ADGRB3: variants seen among roughly 807,000 people sequenced by gnomAD.
ADGRB3 encodes brain-specific angiogenesis inhibitor 3.
Under a neutral mutation model 193.4 loss-of-function variants are expected in ADGRB3, and 37 were observed. The observed-to-expected ratio is 0.19, with a 90% CI of 0.15 to 0.25. The LOEUF (loss-of-function observed/expected upper bound fraction) is 0.25. Ranked by LOEUF, ADGRB3 falls within the 10% of genes least tolerant of loss-of-function variation. The pLI is 1.00. For synonymous variants in ADGRB3, 690 were observed against 644.2 expected, an observed-to-expected ratio of 1.07 and a Z score of -1.08; for missense variants, 1,637 against 1,852.9, an observed-to-expected ratio of 0.88 and a Z score of 2.14.
At chr6:68,748,079 C>T (rs1284105475) in intron 3 of ADGRB3, among the ~76,000 whole-genome samples, 1 of 152,136 alleles carries the variant, frequency 6.6e-6, no homozygotes, top group Admixed American at 6.5e-5. Flanking sequence ...TCAGTTGCCT[C>T]CCATTGGGTC....
At chr6:69,115,681 T>C (rs904790934) in intron 17 of ADGRB3, among the ~76,000 whole-genome samples, 4 of 152,198 alleles carry the variant, frequency 2.6e-5, no homozygotes, top group Admixed American at 6.5e-5. Context: ...ATACAGCCTT[T>C]GTGGCAGCCA....
At chr6:69,068,335 G>A (rs187444346) in intron 16 of ADGRB3, among the ~76,000 whole-genome samples, 15 of 152,124 alleles carry the variant, frequency 9.9e-5, no homozygotes, top group African/African-American at 2.9e-4. Context: ...GCTTTTGGAC[G>A]TAAAAGAAAA....
At chr6:68,791,336 G>T (rs947638115) in intron 3 of ADGRB3, among the ~76,000 whole-genome samples, 3 of 152,160 alleles carry the variant, frequency 2.0e-5, no homozygotes, top group African/African-American at 7.2e-5. Flanking sequence ...TTTAAAACAA[G>T]TATAAAAGTG....
intron 20 of ADGRB3, among the ~76,000 whole-genome samples, chr6:69,246,006 A>G (rs542290068): frequency 1.3e-5 from 2 of 152,234 alleles, no homozygotes; most frequent in South Asian, 2.1e-4. Flanking sequence ...CCCACCCTAG[A>G]CAGGATCTCA....
At chr6:68,644,237 T>A (rs2127277197) in intron 3 of ADGRB3, among the ~76,000 whole-genome samples, 1 of 152,304 alleles carries the variant, frequency 6.6e-6, no homozygotes, top group East Asian at 1.9e-4. Flanking sequence ...ATTATTTTTA[T>A]AATTTCCAAT....
rs985478986 is a variant in ADGRB3, at chr6:69,332,401, A to G, written c.3103-522A>G. 35 of 985,298 alleles carry G rather than the reference A, an allele frequency of 3.6e-5. 1 individual carries two copies. The highest frequency in any genetic ancestry group is 5.2e-4 in the Middle Eastern group (1 of 1,936). 61.0% of individuals were successfully genotyped at this position (985,298 alleles called of 1,614,324 possible). ...TCCTTTCTGCTTAGAAAAGCATGGT[A>G]CATCAAAATGCTCCCCTTCCACAGA... is the stretch of plus-strand genomic sequence containing the variant. On this transcript the variant is annotated intron_variant, in intron 23 of 31. Transcript: ENST00000370598.
intron 27 of ADGRB3, among the ~76,000 whole-genome samples, chr6:69,355,022 G>A (rs960116430): frequency 2.6e-5 from 4 of 151,824 alleles, no homozygotes; most frequent in African/African-American, 9.7e-5. Flanking sequence ...TTTGAACTAG[G>A]CAACAATAAT....
chr6:69,008,392 C>G (rs1769836009), intron 11 of ADGRB3, among the ~76,000 whole-genome samples: 1 of 152,046 alleles, frequency 6.6e-6, no homozygotes, highest in African/African-American at 2.4e-5. Context: ...TATACCTTTC[C>G]TCGTTTTTTC....
At chr6:68,663,862 T>C (rs1273957461) in intron 3 of ADGRB3, among the ~76,000 whole-genome samples, 1 of 151,826 alleles carries the variant, frequency 6.6e-6, no homozygotes, top group Non-Finnish European at 1.5e-5. Context: ...TATTTTAGCG[T>C]GCTACACATT....
chr6:69,267,751 C>CA (rs1767079597), intron 20 of ADGRB3, among the ~76,000 whole-genome samples: 1 of 152,088 alleles, frequency 6.6e-6, no homozygotes, highest in African/African-American at 2.4e-5. Flanking sequence ...CTACTAATTA[C>CA]AAAATTTTAA....
intron 17 of ADGRB3, among the ~76,000 whole-genome samples, chr6:69,096,639 T>C (rs1772886883): frequency 6.6e-6 from 1 of 152,186 alleles, no homozygotes; most frequent in Non-Finnish European, 1.5e-5. Flanking sequence ...TGTGCTTAAC[T>C]TTTTTTCTTA....
chr6:69,310,732 A>AT (rs745617901), intron 20 of ADGRB3, among the ~76,000 whole-genome samples: 13 of 151,650 alleles, frequency 8.6e-5, no homozygotes, highest in African/African-American at 3.1e-4. Context: ...CTGATGTAGG[A>AT]TTTTCTTACA....
chr6:68,678,212 T>C (rs1478207432), intron 3 of ADGRB3, among the ~76,000 whole-genome samples: 1 of 152,054 alleles, frequency 6.6e-6, no homozygotes, highest in Non-Finnish European at 1.5e-5. Context: ...CTCAAATAAA[T>C]AAATGAATGA....
chr6:69,059,338 A>G (rs973708757), intron 15 of ADGRB3, among the ~76,000 whole-genome samples: 2 of 152,070 alleles, frequency 1.3e-5, no homozygotes, highest in Non-Finnish European at 2.9e-5. Flanking sequence ...CTTTCAGTCT[A>G]TGGATGCCCT....
chr6:69,005,642 A>T (rs559733049), intron 11 of ADGRB3, among the ~76,000 whole-genome samples: 1 of 152,138 alleles, frequency 6.6e-6, no homozygotes, highest in Non-Finnish European at 1.5e-5. Flanking sequence ...ATTAGTTTCA[A>T]TTATCTGTTC....
chr6:69,340,700 T>C (rs942146566), intron 26 of ADGRB3, among the ~76,000 whole-genome samples: 1 of 152,128 alleles, frequency 6.6e-6, no homozygotes, highest in East Asian at 1.9e-4. Flanking sequence ...TGTGCCATGG[T>C]GGTTTGCTGC....
At chr6:69,238,923 G>T (rs1299023386) in intron 19 of ADGRB3, among the ~76,000 whole-genome samples, 1 of 151,870 alleles carries the variant, frequency 6.6e-6, no homozygotes, top group Admixed American at 6.6e-5. Flanking sequence ...AAGGACGCTT[G>T]CACATGCCAT....
chr6:69,175,724 T>C (rs1211007291), intron 17 of ADGRB3, among the ~76,000 whole-genome samples: 1 of 152,234 alleles, frequency 6.6e-6, no homozygotes, highest in Non-Finnish European at 1.5e-5. Context: ...TAGATTGCCT[T>C]AAGCAGTATG....
At chr6:68,915,440 C>A (rs924949107) in intron 3 of ADGRB3, among the ~76,000 whole-genome samples, 3 of 151,716 alleles carry the variant, frequency 2.0e-5, no homozygotes, top group African/African-American at 7.3e-5. Context: ...TGAGCCAAGC[C>A]CAAAAGAAAG....
Sources: allele counts gnomAD v4.1 joint callset (sites outside exome capture counted in the v4.1 genomes callset), GRCh38; gene constraint gnomAD v4.1.1; transcripts MANE v1.5; gene names NCBI Gene and HGNC (gene_info 2026-07-23, HGNC 2026-07-21).